Variants in RB1CC1 observed in about 807,000 individuals in gnomAD.
The protein encoded by RB1CC1 is RB1 inducible coiled-coil 1, also known as RB1-inducible coiled-coil protein 1.
In RB1CC1, 46 loss-of-function variants were observed where a neutral mutation model predicts 177.5. The ratio of observed to expected loss-of-function variants is 0.26; its 90% confidence interval spans 0.20 to 0.33. The LOEUF (loss-of-function observed/expected upper bound fraction) is 0.33, where lower values mean the gene tolerates loss of function less well. RB1CC1 is among the 10% of genes least tolerant of loss of function. RB1CC1 has a pLI of 1.00. For synonymous variants in RB1CC1, 666 were observed against 613.6 expected, an observed-to-expected ratio of 1.09 and a Z score of -1.26; for missense variants, 1,703 against 1,816.3, an observed-to-expected ratio of 0.94 and a Z score of 1.13.
At chr8:52,643,837 C>T (rs1329512803) in intron 16 of RB1CC1, among the ~76,000 whole-genome samples, 3 of 151,678 alleles carry the variant, frequency 2.0e-5, no homozygotes, top group Non-Finnish European at 4.4e-5. Flanking sequence ...TTTAAGAGCT[C>T]TACGGTCCTT....
chr8:52,706,649 G>A (rs979552065), intron 1 of RB1CC1, among the ~76,000 whole-genome samples: 9 of 151,252 alleles, frequency 6.0e-5, no homozygotes, highest in African/African-American at 1.5e-4. Flanking sequence ...GGAGAATGGC[G>A]TGAACCCAGG....
chr8:52,664,539 A>G (rs1851899322), intron 8 of RB1CC1, among the ~76,000 whole-genome samples: 1 of 152,186 alleles, frequency 6.6e-6, no homozygotes, highest in South Asian at 2.1e-4. Flanking sequence ...ACAATAGCAA[A>G]ATACTACAAA....
intron 1 of RB1CC1, among the ~76,000 whole-genome samples, chr8:52,699,319 C>CCT (rs1855771185): frequency 1.3e-5 from 2 of 152,224 alleles, no homozygotes; most frequent in South Asian, 4.1e-4. Flanking sequence ...ATAACATCTT[C>CCT]CTCACAGGGC....
intron 18 of RB1CC1, among the ~76,000 whole-genome samples, chr8:52,641,976 A>AATG (rs779738715): frequency 1.3e-5 from 2 of 152,084 alleles, no homozygotes; most frequent in African/African-American, 4.8e-5. Flanking sequence ...TAATAATAAT[A>AATG]ATAAAAAACC....
rs1848181312 is a variant in RB1CC1, at chr8:52,623,467, T to C, written c.*315A>G. 2.7e-6 allele frequency: 1 copy of C among 371,090 alleles called. No individual in the cohort carries two copies. The highest frequency in any genetic ancestry group is 2.2e-5 in the South Asian group (1 of 46,006). The allele number at this position is 371,090 out of a possible 1,614,324, so 23.0% of individuals were successfully genotyped here. A position where few individuals can be genotyped will look rare whatever the true frequency, so the allele number is the denominator to read the frequency against. On this transcript the variant is annotated 3_prime_UTR_variant, in exon 24 of 24. Coordinates refer to ENST00000025008, the MANE Select transcript of RB1CC1 (RefSeq NM_014781.5). ...TAGTGTATATTTAACAGGCAATTAATATGGCTCATCATAAGCCACAATGCA... is the reference window on the plus strand; with the variant it reads ...TAGTGTATATTTAACAGGCAATTAACATGGCTCATCATAAGCCACAATGCA...
At chr8:52,652,020 A>T (rs1342235918) in intron 15 of RB1CC1, among the ~76,000 whole-genome samples, 1 of 152,214 alleles carries the variant, frequency 6.6e-6, no homozygotes, top group Non-Finnish European at 1.5e-5. Flanking sequence ...TCATCTGAAA[A>T]GGCTATTTAA....
At chr8:52,635,634 T>G (rs1849084324) in intron 19 of RB1CC1, among the ~76,000 whole-genome samples, 1 of 152,176 alleles carries the variant, frequency 6.6e-6, no homozygotes, top group African/African-American at 2.4e-5. Flanking sequence ...TTTGCCAATT[T>G]CTAAAAAGTA....
chr8:52,648,872 C>T (rs528687924), intron 15 of RB1CC1, among the ~76,000 whole-genome samples: 1 of 152,156 alleles, frequency 6.6e-6, no homozygotes, highest in East Asian at 1.9e-4. Flanking sequence ...TTTGGCATAT[C>T]CAAATTGTCG....
intron 1 of RB1CC1, among the ~76,000 whole-genome samples, chr8:52,692,489 C>T (rs1159177008): frequency 6.6e-6 from 1 of 152,196 alleles, no homozygotes; most frequent in East Asian, 1.9e-4. Flanking sequence ...ATATGATATT[C>T]TTACAAATCC....
intron 8 of RB1CC1, 43 bp downstream of exon 8, chr8:52,667,978 A>G (rs757218562): frequency 4.5e-6 from 7 of 1,572,452 alleles, no homozygotes; most frequent in Non-Finnish European, 6.0e-6. Context: ...GTGTACAAAA[A>G]AACTATAAAT....
chr8:52,633,670 T>C (rs866990122), intron 20 of RB1CC1, among the ~76,000 whole-genome samples: 2 of 152,362 alleles, frequency 1.3e-5, no homozygotes, highest in South Asian at 4.1e-4. Context: ...TACTACCTTG[T>C]AAACTGTAAT....
intron 5 of RB1CC1, among the ~76,000 whole-genome samples, chr8:52,679,145 T>G (rs1463902617): frequency 6.6e-6 from 1 of 152,114 alleles, no homozygotes; most frequent in Admixed American, 6.6e-5. Flanking sequence ...ACTAAGCCAA[T>G]GGAAAAATCA....
At position 52,628,018 on chromosome 8, in the gene RB1CC1, G is replaced by A; in HGVS notation, c.4636+14C>T. 1.9e-6 allele frequency: 3 copies of A among 1,552,940 alleles called. No individual in the cohort carries two copies. Among genetic ancestry groups the A allele is most frequent in the Non-Finnish European group, 2.6e-6 (3 of 1,156,540 alleles). On this transcript the variant is annotated intron_variant, in intron 22 of 23. Transcript: ENST00000025008. ...CATTCCAGGTTTATATTTTAGTCAT[G>A]GAATGACACTTACCACCCTCACCTG...
At chr8:52,635,326 C>T (rs180742400) in intron 19 of RB1CC1, among the ~76,000 whole-genome samples, 1 of 152,256 alleles carries the variant, frequency 6.6e-6, no homozygotes, top group Non-Finnish European at 1.5e-5. Flanking sequence ...TCAGGTTATG[C>T]TGAGGTAGGA....
intron 6 of RB1CC1, among the ~76,000 whole-genome samples, chr8:52,675,386 C>T (rs570211837): frequency 6.6e-6 from 1 of 152,170 alleles, no homozygotes; most frequent in Admixed American, 6.5e-5. Flanking sequence ...AAAAAATCTA[C>T]AGATCCAAAA....
chr8:52,630,283 T>C (rs1250134096), intron 21 of RB1CC1, among the ~76,000 whole-genome samples, 187 bp downstream of exon 21: 3 of 152,120 alleles, frequency 2.0e-5, no homozygotes, highest in Admixed American at 6.6e-5. Context: ...GTTTTGGCAA[T>C]CTAAATGTTT....
At chr8:52,627,932 G>T in intron 22 of RB1CC1, 100 bp downstream of exon 22, 1 of 1,072,772 alleles carries the variant, frequency 9.3e-7, no homozygotes, top group Non-Finnish European at 1.3e-6. Context: ...TTCCCTCTTA[G>T]TGACTTAATT....
chr8:52,699,691 T>C (rs1855819980), intron 1 of RB1CC1, among the ~76,000 whole-genome samples: 1 of 145,814 alleles, frequency 6.9e-6, no homozygotes, highest in Non-Finnish European at 1.5e-5. Context: ...TGGTGGCACA[T>C]GCCTGTAATC....
chr8:52,702,670 C>A (rs969128050), intron 1 of RB1CC1, among the ~76,000 whole-genome samples: 2 of 151,604 alleles, frequency 1.3e-5, no homozygotes, highest in African/African-American at 2.4e-5. Context: ...GAGCCGAGAG[C>A]ATGCCACTGC....
Sources: gnomAD v4.1 joint callset for allele counts (sites outside exome capture counted in the v4.1 genomes callset) on GRCh38, gnomAD v4.1.1 for gene constraint, MANE v1.5 for transcripts, NCBI Gene and HGNC (gene_info 2026-07-23, HGNC 2026-07-21) for gene names.